HMGB1: variants seen among roughly 807,000 people sequenced by gnomAD.
HMGB1 encodes the protein high mobility group protein B1.
For missense variants in HMGB1, 79 were observed against 253.5 expected (o/e 0.31, Z 4.67); for synonymous variants, 81 against 84.0 (o/e 0.96, Z 0.19).
chr13:30,490,689 G>T (rs113760185), intron 1 of HMGB1, among the ~76,000 whole-genome samples: 24 of 152,070 alleles, frequency 1.6e-4, no homozygotes, highest in African/African-American at 4.8e-4. Flanking sequence ...AGGCTGTGGT[G>T]GGAGGATCGC....
Position 30,461,390 on chromosome 13 carries a change from A to T in HMGB1, c.615T>A (p.Asp205Glu), listed in dbSNP as rs764093344. ...CATCATCATCTTCTTCTTCATCTTC[A>T]TCTTCTTCATCTTCCTCCTCCTCCT... ...EDEEEEEDEE[D>E]EDEEEDDDDE The change falls in exon 5 of 5, where the codon GAT (aspartate) becomes GAA (glutamate). Residue 205 changes from aspartate to glutamate, a missense_variant. Coordinates refer to ENST00000341423, the MANE Select transcript of HMGB1 (RefSeq NM_002128.7). 5.1e-6 allele frequency: 8 copies of T among 1,567,174 alleles called. No individual in the cohort carries two copies. In the African/African-American group the frequency reaches 7.0e-5, roughly 14 times the overall value.
intron 1 of HMGB1, among the ~76,000 whole-genome samples, chr13:30,595,922 A>G (rs1871585375): frequency 6.6e-6 from 1 of 152,146 alleles, no homozygotes; most frequent in Non-Finnish European, 1.5e-5. Flanking sequence ...ACAATATTCT[A>G]CTGGCTGTAC....
chr13:30,611,170 G>A (rs964748788), intron 1 of HMGB1, among the ~76,000 whole-genome samples: 2 of 152,184 alleles, frequency 1.3e-5, no homozygotes, highest in African/African-American at 4.8e-5. Flanking sequence ...TTGTAACAAT[G>A]TGTTATGAGT....
chr13:30,573,013 A>G (rs1196275274), intron 1 of HMGB1, among the ~76,000 whole-genome samples: 2 of 152,200 alleles, frequency 1.3e-5, no homozygotes, highest in Non-Finnish European at 2.9e-5. Flanking sequence ...CAGAATCTCT[A>G]CTATTTAAAA....
chr13:30,553,415 A>G (rs1230070287), intron 1 of HMGB1, among the ~76,000 whole-genome samples: 1 of 152,222 alleles, frequency 6.6e-6, no homozygotes, highest in Non-Finnish European at 1.5e-5. Flanking sequence ...TTCACTAGCC[A>G]TGACCTTGGG....
intron 1 of HMGB1, among the ~76,000 whole-genome samples, chr13:30,479,784 A>G (rs1887186507): frequency 6.6e-6 from 1 of 152,230 alleles, no homozygotes; most frequent in South Asian, 2.1e-4. Context: ...CTCAGCCTAC[A>G]GTGTAAATCG....
intron 1 of HMGB1, among the ~76,000 whole-genome samples, chr13:30,475,552 G>C (rs535881310): frequency 1.2e-3 from 176 of 151,662 alleles, no homozygotes; most frequent in South Asian, 2.7e-3. Context: ...AATTCCCTGG[G>C]TGTGGTGGTG....
intron 1 of HMGB1, among the ~76,000 whole-genome samples, chr13:30,512,242 A>T (rs1888008976): frequency 6.6e-6 from 1 of 152,198 alleles, no homozygotes; most frequent in South Asian, 2.1e-4. Flanking sequence ...CCAAAACTCC[A>T]ATCAAAATCT....
At chr13:30,613,405 A>G (rs1950530966) in intron 1 of HMGB1, among the ~76,000 whole-genome samples, 1 of 152,202 alleles carries the variant, frequency 6.6e-6, no homozygotes, top group South Asian at 2.1e-4. Flanking sequence ...TATTGGCAAA[A>G]AATTTTAAAG....
intron 1 of HMGB1, among the ~76,000 whole-genome samples, chr13:30,475,964 G>A (rs1887086597): frequency 6.6e-6 from 1 of 152,154 alleles, no homozygotes; most frequent in South Asian, 2.1e-4. Flanking sequence ...AGACATTTGA[G>A]TTGGGGCCTA....
At chr13:30,552,880 C>T (rs1349486628) in intron 1 of HMGB1, among the ~76,000 whole-genome samples, 4 of 152,180 alleles carry the variant, frequency 2.6e-5, no homozygotes, top group Non-Finnish European at 5.9e-5. Flanking sequence ...CTACCTTGTG[C>T]GGATGCAACC....
At chr13:30,510,957 A>C (rs1052251990) in intron 1 of HMGB1, among the ~76,000 whole-genome samples, 2 of 152,160 alleles carry the variant, frequency 1.3e-5, no homozygotes, top group Non-Finnish European at 2.9e-5. Flanking sequence ...TTGAGAAGAG[A>C]GTCTAGCCAA....
In HMGB1 at chr13:30,459,992, C is replaced by T. The variant is rs1438922298; in HGVS notation, c.*1365G>A. On this transcript the variant is annotated 3_prime_UTR_variant, in exon 5 of 5. Transcript: ENST00000341423. ...ACAAAACAGCACTCCATCACAAAAG[C>T]GTGTAAAATTACAAGAACGCTATTT... 8 of 152,520 alleles carry T rather than the reference C, an allele frequency of 5.2e-5. No individual in the cohort carries two copies. The highest frequency in any genetic ancestry group is 4.6e-4 in the Admixed American group (7 of 15,276). 9.4% of individuals were successfully genotyped at this position (152,520 alleles called of 1,614,324 possible).
intron 1 of HMGB1, among the ~76,000 whole-genome samples, chr13:30,536,645 C>T (rs1427356188): frequency 1.3e-5 from 2 of 152,138 alleles, no homozygotes; most frequent in Non-Finnish European, 2.9e-5. Flanking sequence ...CCACCATGCC[C>T]GGCCTAAAAA....
chr13:30,477,079 C>T (rs1184744149), intron 1 of HMGB1, among the ~76,000 whole-genome samples: 1 of 151,996 alleles, frequency 6.6e-6, no homozygotes, highest in African/African-American at 2.4e-5. Context: ...CGGTTATTAG[C>T]CTAGCTAATA....
intron 1 of HMGB1, among the ~76,000 whole-genome samples, chr13:30,560,268 A>G (rs141285603): frequency 7.2e-5 from 11 of 152,328 alleles, no homozygotes; most frequent in African/African-American, 2.6e-4. Context: ...AAAAAGTTCC[A>G]TGGTGGGGTG....
intron 1 of HMGB1, among the ~76,000 whole-genome samples, chr13:30,562,864 G>A (rs1034992245): frequency 6.6e-6 from 1 of 152,200 alleles, no homozygotes; most frequent in Non-Finnish European, 1.5e-5. Flanking sequence ...ATCTGAACTA[G>A]TGTGTTCCCA....
At chr13:30,464,415 A>G (rs1057189821) in intron 1 of HMGB1, 1 of 985,258 alleles carries the variant, frequency 1.0e-6, no homozygotes, top group East Asian at 1.1e-4. Flanking sequence ...CCCCTCCCCC[A>G]ACTCGGGAAG....
upstream of HMGB1, among the ~76,000 whole-genome samples, chr13:30,466,345 A>G (rs77376623): frequency 0.051 from 7,489 of 146,986 alleles, 607 homozygotes; most frequent in African/African-American, 0.17. Context: ...TTGAGATAAG[A>G]GGCCCCAGGC....
Sources: allele counts gnomAD v4.1 joint callset (sites outside exome capture counted in the v4.1 genomes callset), GRCh38; gene constraint gnomAD v4.1.1; transcripts MANE v1.5; gene names NCBI Gene and HGNC (gene_info 2026-07-23, HGNC 2026-07-21).